The following TMEM132C variants were observed in gnomAD, a reference collection of about 807,000 sequenced individuals.
TMEM132C encodes the protein protein phosphatase 1, regulatory subunit 152.
TMEM132C carries 29 observed loss-of-function variants against 61.4 expected under a neutral mutation model. That is an observed-to-expected ratio of 0.47 (90% CI 0.35 to 0.64). The LOEUF is 0.64. Among genes scored for constraint, TMEM132C ranks in the 30% least tolerant of loss-of-function variants. The pLI, the probability that TMEM132C is intolerant of heterozygous loss-of-function variation, is 0.00. For missense variants in TMEM132C, 1,408 were observed against 1,476.9 expected (o/e 0.95, Z 0.76); for synonymous variants, 656 against 633.1 (o/e 1.04, Z -0.54).
At chr12:128,493,140 G>C (rs1016926839) in intron 2 of TMEM132C, among the ~76,000 whole-genome samples, 24 of 152,228 alleles carry the variant, frequency 1.6e-4, no homozygotes, top group African/African-American at 5.5e-4. Flanking sequence ...TGTCAGGTTT[G>C]TCAAAGATCA....
chr12:128,518,812 CA>C (rs1872806642), intron 2 of TMEM132C, among the ~76,000 whole-genome samples: 1 of 151,880 alleles, frequency 6.6e-6, no homozygotes, highest in Admixed American at 6.6e-5. Context: ...AAGCAAAAGG[CA>C]AAAGACTGCA....
intron 4 of TMEM132C, among the ~76,000 whole-genome samples, chr12:128,666,079 G>GCACACACA (rs58554620): frequency 1.2e-4 from 12 of 101,012 alleles, no homozygotes; most frequent in African/African-American, 4.9e-4. Context: ...AAACACACAG[G>GCACACACA]CACACACACA....
chr12:128,618,392 C>T (rs1356116734), intron 4 of TMEM132C, among the ~76,000 whole-genome samples: 1 of 152,162 alleles, frequency 6.6e-6, no homozygotes, highest in African/African-American at 2.4e-5. Flanking sequence ...CAAGTAAATG[C>T]ATGTGAATTC....
At chr12:128,289,193 CT>C (rs1871175795) in intron 1 of TMEM132C, 1 of 152,244 alleles carries the variant, frequency 6.6e-6, no homozygotes, top group African/African-American at 2.4e-5. Flanking sequence ...CACCTGCATA[CT>C]CTCACTTGTT....
At chr12:128,439,610 C>T (rs1405891101) in intron 2 of TMEM132C, among the ~76,000 whole-genome samples, 1 of 152,152 alleles carries the variant, frequency 6.6e-6, no homozygotes, top group Non-Finnish European at 1.5e-5. Flanking sequence ...GAAGAAGAAC[C>T]TTTCTTTTTT....
At chr12:128,639,166 T>C (rs1954131862) in intron 4 of TMEM132C, among the ~76,000 whole-genome samples, 2 of 130,982 alleles carry the variant, frequency 1.5e-5, no homozygotes, top group Admixed American at 7.5e-5. Flanking sequence ...GTGATGGTGG[T>C]GATGGTGATG....
chr12:128,404,264 G>A (rs1875262858), intron 1 of TMEM132C, among the ~76,000 whole-genome samples: 1 of 152,108 alleles, frequency 6.6e-6, no homozygotes, highest in Non-Finnish European at 1.5e-5. Flanking sequence ...TACTATATTT[G>A]TGGGCATATT....
At chr12:128,457,305 T>TA (rs578230110) in intron 2 of TMEM132C, among the ~76,000 whole-genome samples, 5,592 of 120,824 alleles carry the variant, frequency 0.046, 196 homozygotes, top group African/African-American at 0.1. Context: ...TCTCCATCTG[T>TA]AAAAAAAAAA....
intron 2 of TMEM132C, among the ~76,000 whole-genome samples, chr12:128,445,704 C>T (rs752288840): frequency 2.6e-5 from 4 of 152,200 alleles, no homozygotes; most frequent in Non-Finnish European, 4.4e-5. Context: ...TGTTTACAAA[C>T]CTCCAGGGAG....
Position 128,280,564 on chromosome 12 carries a change from G to C in TMEM132C, c.85+13077G>C, listed in dbSNP as rs550076652. On this transcript the variant is annotated intron_variant, in intron 1 of 8. Coordinates refer to ENST00000435159, the MANE Select transcript of TMEM132C (RefSeq NM_001136103.3). The stretch of plus-strand genomic sequence containing the variant: ...GCGTAATCACTAGAATAATGGGGAC[G>C]GACTACTAATGAGTATAAGGTATCT... Among the ~76,000 whole-genome samples, 6 of 152,262 alleles carry C rather than the reference G, an allele frequency of 3.9e-5. No individual in the cohort carries two copies. In the South Asian group the frequency reaches 1.2e-3, roughly 32 times the overall value.
chr12:128,325,759 G>A (rs539515168), intron 1 of TMEM132C, among the ~76,000 whole-genome samples: 94 of 152,264 alleles, frequency 6.2e-4, no homozygotes, highest in African/African-American at 2.2e-3. Flanking sequence ...TGCTCCCCCA[G>A]TTGGATCCTG....
rs1317606205 is a variant in TMEM132C at position 128,473,530 on chromosome 12, CCATCCATCTTCACTCCAG to C, written c.974+57923_974+57940del. Among the ~76,000 whole-genome samples the C allele has an allele frequency of 5.9e-3, 808 of 136,526 alleles. 5 individuals carry two copies. Among genetic ancestry groups the C allele is most frequent in the South Asian group, 0.039 (166 of 4,292 alleles). The allele number at this position is 136,526 out of a possible 152,430, so 89.6% of individuals were successfully genotyped here. ...AGCCTCCATCTTCATCTTCACTCCA[CCATCCATCTTCACTCCAG>C]CATCCATCTTCATCCTTACTCCAGC... On this transcript the variant is annotated intron_variant, in intron 2 of 8. Coordinates refer to ENST00000435159, the MANE Select transcript of TMEM132C (RefSeq NM_001136103.3).
At chr12:128,614,087 C>T (rs1388572744) in intron 3 of TMEM132C, among the ~76,000 whole-genome samples, 1 of 152,176 alleles carries the variant, frequency 6.6e-6, no homozygotes, top group African/African-American at 2.4e-5. Context: ...CTCACCAGAA[C>T]CCTGGCCCCC....
At chr12:128,577,966 T>C (rs1875180569) in intron 3 of TMEM132C, among the ~76,000 whole-genome samples, 1 of 152,280 alleles carries the variant, frequency 6.6e-6, no homozygotes, top group South Asian at 2.1e-4. Context: ...AGGTCATTAG[T>C]ACATACTATT....
chr12:128,661,473 T>G (rs1954388960), intron 4 of TMEM132C, among the ~76,000 whole-genome samples: 1 of 151,886 alleles, frequency 6.6e-6, no homozygotes, highest in Non-Finnish European at 1.5e-5. Flanking sequence ...TGATGACAAC[T>G]GCTTGGAAGC....
At chr12:128,436,300 G>A (rs1454879156) in intron 2 of TMEM132C, among the ~76,000 whole-genome samples, 1 of 152,024 alleles carries the variant, frequency 6.6e-6, no homozygotes, top group African/African-American at 2.4e-5. Context: ...TAGACAAATG[G>A]GATCTAATTA....
At chr12:128,460,064 G>T (rs757046596) in intron 2 of TMEM132C, among the ~76,000 whole-genome samples, 5 of 152,098 alleles carry the variant, frequency 3.3e-5, no homozygotes, top group Non-Finnish European at 5.9e-5. Context: ...TAACAAATTT[G>T]GAGATTACTA....
At chr12:128,541,943 C>T (rs1199264629) in intron 2 of TMEM132C, among the ~76,000 whole-genome samples, 1 of 152,118 alleles carries the variant, frequency 6.6e-6, no homozygotes, top group Admixed American at 6.6e-5. Flanking sequence ...CGGTGTGGCA[C>T]CCCCAGGCAC....
intron 2 of TMEM132C, among the ~76,000 whole-genome samples, chr12:128,429,473 G>A (rs1487982909): frequency 1.3e-5 from 2 of 152,102 alleles, no homozygotes; most frequent in Non-Finnish European, 2.9e-5. Flanking sequence ...GAATGTGCCC[G>A]GGAACATGGG....
Sources: gnomAD v4.1 joint callset for allele counts (sites outside exome capture counted in the v4.1 genomes callset) on GRCh38, gnomAD v4.1.1 for gene constraint, MANE v1.5 for transcripts, NCBI Gene and HGNC (gene_info 2026-07-23, HGNC 2026-07-21) for gene names.